Variants in FSD1L observed in about 807,000 individuals in gnomAD.
FSD1L encodes the protein FSD1-like protein.
A neutral mutation model predicts 71.6 loss-of-function variants in FSD1L; 45 were observed. The observed-to-expected ratio is 0.63, with a 90% CI of 0.49 to 0.81. The LOEUF is 0.81. Ranked by LOEUF, FSD1L falls within the 30% of genes least tolerant of loss-of-function variation. The pLI, the probability that FSD1L is intolerant of heterozygous loss-of-function variation, is 0.00. For synonymous variants in FSD1L, 197 were observed against 207.2 expected (o/e 0.95, Z 0.42); for missense variants, 561 against 618.1 (o/e 0.91, Z 0.98).
chr9:105,500,023 G>GT (rs1417203753), intron 7 of FSD1L, among the ~76,000 whole-genome samples: 1 of 152,142 alleles, frequency 6.6e-6, no homozygotes, highest in African/African-American at 2.4e-5. Context: ...TTTCTTTGCG[G>GT]TTTTTTCTTA....
Position 105,448,105 on chromosome 9 carries a change from G to C in FSD1L, c.-116G>C. The C allele has an allele frequency of 8.5e-7, 1 of 1,174,208 alleles. No homozygotes were observed. The highest frequency in any genetic ancestry group is 1.3e-5 in the South Asian group (1 of 75,830). 72.7% of individuals were successfully genotyped at this position (1,174,208 alleles called of 1,614,324 possible). A position where few individuals can be genotyped will look rare whatever the true frequency, so the allele number is the denominator to read the frequency against. On this transcript the variant is annotated 5_prime_UTR_variant, in exon 1 of 14. Transcript: ENST00000481272. ...GCGCGGACGGGTGGGGCCGGGCGGT[G>C]CCGGTGCGGGCTGGGGCAGTGCAGT...
chr9:105,497,588 C>G (rs568840908), intron 7 of FSD1L, among the ~76,000 whole-genome samples: 77 of 152,204 alleles, frequency 5.1e-4, no homozygotes, highest in African/African-American at 1.7e-3. Context: ...TGGGTTTTGG[C>G]AGATTGTGTC....
chr9:105,494,762 G>A (rs762299238), intron 7 of FSD1L, among the ~76,000 whole-genome samples: 97 of 152,288 alleles, frequency 6.4e-4, no homozygotes, highest in Middle Eastern at 3.4e-3. Flanking sequence ...TGCTAGAGGT[G>A]CACTCCAGAC....
chr9:105,521,697 G>A lies in FSD1L; in HGVS notation c.1025+8761G>A, dbSNP rs1835169573. 3 of 1,613,490 alleles carry A rather than the reference G, an allele frequency of 1.9e-6. No homozygotes were observed. The South Asian group carries it at 3.3e-5, about 18-fold the overall frequency. ...TTCAATGGAAGAAGGAGAAAAAAGA[G>A]AAGAGGAAAATGGGACCAATACTGC... On this transcript the variant is annotated intron_variant, in intron 10 of 13. Coordinates refer to ENST00000481272, the MANE Select transcript of FSD1L (RefSeq NM_001145313.3).
intron 7 of FSD1L, among the ~76,000 whole-genome samples, chr9:105,493,211 T>A (rs1345929897): frequency 6.6e-6 from 1 of 152,044 alleles, no homozygotes; most frequent in African/African-American, 2.4e-5. Flanking sequence ...ATATTTAGGC[T>A]AGTTAGCTCT....
chr9:105,544,833 TGTA>T (rs1429905704), intron 13 of FSD1L, among the ~76,000 whole-genome samples: 1 of 152,200 alleles, frequency 6.6e-6, no homozygotes, highest in East Asian at 1.9e-4. Context: ...CCTGTAGCCT[TGTA>T]GTATAGTTTG....
chr9:105,522,726 A>G lies in FSD1L; in HGVS notation c.1025+9790A>G, dbSNP rs113626366. 50 of 1,603,586 alleles carry G rather than the reference A, an allele frequency of 3.1e-5. No homozygotes were observed. In the African/African-American group the frequency reaches 5.2e-4, roughly 17 times the overall value. On this transcript the variant is annotated intron_variant, in intron 10 of 13. Coordinates refer to ENST00000481272, the MANE Select transcript of FSD1L (RefSeq NM_001145313.3). Reference sequence around the variant, plus strand: ...CATGAGCCAAAAACTGCCTCCTCTTAATAGTGATATTGGCAGCAGCAGTGC... The same window carrying G: ...CATGAGCCAAAAACTGCCTCCTCTTGATAGTGATATTGGCAGCAGCAGTGC...
rs1425092884 is a variant in FSD1L, at chr9:105,490,190, T to C, written c.586+5688T>C. Among the ~76,000 whole-genome samples the C allele has an allele frequency of 1.1e-4, 17 of 152,236 alleles. No homozygotes were observed. In the East Asian group the frequency reaches 2.1e-3, roughly 19 times the overall value. On this transcript the variant is annotated intron_variant, in intron 7 of 13. Coordinates refer to ENST00000481272, the MANE Select transcript of FSD1L (RefSeq NM_001145313.3). The stretch of plus-strand genomic sequence containing the variant: ...TGTTGTTTCCTGACTTTTTAATGAT[T>C]GCCATTCTAACTGGTGTGAGATGGT...
rs1831497044 is a variant in FSD1L at position 105,471,884 on chromosome 9, T to A, written c.340-20T>A. On this transcript the variant is annotated intron_variant, in intron 4 of 13. Coordinates refer to ENST00000481272, the MANE Select transcript of FSD1L (RefSeq NM_001145313.3). ...GGAAACTTCATTTTAATGACTTAGT[T>A]TTTTTTTTTTTTTCCCTAGAGTCAG... The A allele has an allele frequency of 4.6e-6, 4 of 875,708 alleles. No individual in the cohort carries two copies. The highest frequency in any genetic ancestry group is 1.8e-5 in the African/African-American group (1 of 55,366). The allele number at this position is 875,708 out of a possible 1,614,324, so 54.2% of individuals were successfully genotyped here. A position where few individuals can be genotyped will look rare whatever the true frequency, so the allele number is the denominator to read the frequency against.
intron 5 of FSD1L, among the ~76,000 whole-genome samples, chr9:105,477,055 A>T (rs948587476): frequency 2.6e-5 from 4 of 152,200 alleles, no homozygotes; most frequent in South Asian, 4.1e-4. Flanking sequence ...GGTTTTTCAC[A>T]AACAGCATGG....
chr9:105,532,680 A>G (rs1835970522), intron 10 of FSD1L, among the ~76,000 whole-genome samples: 1 of 152,228 alleles, frequency 6.6e-6, no homozygotes, highest in African/African-American at 2.4e-5. Flanking sequence ...AGCTTTGCTC[A>G]TGCTATCTGT....
rs143637440 is a variant in FSD1L at position 105,484,329 on chromosome 9, T to C, written c.465-52T>C. 1.0e-3 allele frequency: 1,314 copies of C among 1,291,194 alleles called. 12 individuals carry two copies. In the African/African-American group the frequency reaches 0.019, roughly 19 times the overall value. 80.0% of individuals were successfully genotyped at this position (1,291,194 alleles called of 1,614,324 possible). A position where few individuals can be genotyped will look rare whatever the true frequency, so the allele number is the denominator to read the frequency against. ...TTTTCATTTTATAAATTAAATATGA[T>C]TTGATACTTCCTATTTCTTTATTTT... On this transcript the variant is annotated intron_variant, in intron 6 of 13. Transcript: ENST00000481272.
At chr9:105,488,418 T>C (rs907751749) in intron 7 of FSD1L, among the ~76,000 whole-genome samples, 3 of 152,202 alleles carry the variant, frequency 2.0e-5, no homozygotes, top group African/African-American at 7.2e-5. Flanking sequence ...GTTTATTCAT[T>C]TATACACTGA....
chr9:105,538,274 C>G (rs762158941), intron 12 of FSD1L, among the ~76,000 whole-genome samples: 3 of 152,130 alleles, frequency 2.0e-5, no homozygotes, highest in Non-Finnish European at 2.9e-5. Flanking sequence ...TTACCAACTT[C>G]GAGATCAAAG....
At chr9:105,511,083 AAGAG>A (rs1235266636) in intron 9 of FSD1L, among the ~76,000 whole-genome samples, 1 of 152,032 alleles carries the variant, frequency 6.6e-6, no homozygotes, top group African/African-American at 2.4e-5. Context: ...TCCACAAAGA[AAGAG>A]AGATACGAAA....
intron 3 of FSD1L, among the ~76,000 whole-genome samples, chr9:105,466,518 C>T (rs1453237239): frequency 6.6e-6 from 1 of 152,060 alleles, no homozygotes; most frequent in Non-Finnish European, 1.5e-5. Flanking sequence ...CATTGTGAAA[C>T]CCCATCTCTA....
chr9:105,520,053 G>C (rs1026238510), intron 10 of FSD1L: 3 of 1,521,550 alleles, frequency 2.0e-6, no homozygotes, highest in South Asian at 2.5e-5. Flanking sequence ...TCTCCTCCCC[G>C]TCCACTCCCT....
chr9:105,468,410 A>G (rs1459093749), intron 4 of FSD1L, 86 bp downstream of exon 4: 1 of 1,035,602 alleles, frequency 9.7e-7, no homozygotes, highest in Non-Finnish European at 1.4e-6. Context: ...TGAATTTCTA[A>G]GTATAACTAT....
chr9:105,514,899 A>C (rs565552610), intron 10 of FSD1L, among the ~76,000 whole-genome samples: 1 of 152,244 alleles, frequency 6.6e-6, no homozygotes, highest in African/African-American at 2.4e-5. Context: ...AAAGATACTA[A>C]AACAGAGTGG....
Sources: gnomAD v4.1 joint callset for allele counts (sites outside exome capture counted in the v4.1 genomes callset) on GRCh38, gnomAD v4.1.1 for gene constraint, MANE v1.5 for transcripts, NCBI Gene and HGNC (gene_info 2026-07-23, HGNC 2026-07-21) for gene names.